Variants in RBFOX1 observed in about 807,000 individuals in gnomAD.
The protein encoded by RBFOX1 is RNA binding fox-1 homolog 1, also known as RNA binding protein fox-1 homolog 1.
Under a neutral mutation model 57.7 loss-of-function variants are expected in RBFOX1, and 8 were observed. The ratio of observed to expected loss-of-function variants is 0.14; its 90% confidence interval spans 0.08 to 0.25. RBFOX1 has a LOEUF of 0.25. RBFOX1 is among the 10% of genes least tolerant of loss of function. The pLI is 1.00. For synonymous variants in RBFOX1, 326 were observed against 222.4 expected (o/e 1.47, Z -4.15); for missense variants, 611 against 548.5 (o/e 1.11, Z -1.14).
At chr16:6,584,911 T>C (rs547900993) in intron 2 of RBFOX1, among the ~76,000 whole-genome samples, 11 of 152,266 alleles carry the variant, frequency 7.2e-5, no homozygotes, top group Admixed American at 2.0e-4. Flanking sequence ...GGGGCAGAGA[T>C]TGGGGACCTG....
rs1193568268 is a variant in RBFOX1, at chr16:7,504,533, G to A, written c.28-13614G>A. ...CTCACAAATATCACCTCTTATCTCA[G>A]CCCACAAAAAAAGGTCAATTATAGA... is the stretch of plus-strand genomic sequence containing the variant. On this transcript the variant is annotated intron_variant, in intron 4 of 15. Transcript: ENST00000550418. Among the ~76,000 whole-genome samples, 4 of 148,976 alleles carry A rather than the reference G, an allele frequency of 2.7e-5. No individual in the cohort carries two copies. The East Asian group carries it at 6.1e-4, about 23-fold the overall frequency.
At chr16:5,986,543 C>T (rs1251949244) in intron 4 of RBFOX1, among the ~76,000 whole-genome samples, 1 of 152,202 alleles carries the variant, frequency 6.6e-6, no homozygotes, top group Non-Finnish European at 1.5e-5. Context: ...ACCTCCCTCT[C>T]ACCCCTGCCT....
chr16:6,030,154 C>T (rs915690920), intron 1 of RBFOX1, among the ~76,000 whole-genome samples: 1 of 152,154 alleles, frequency 6.6e-6, no homozygotes, highest in African/African-American at 2.4e-5. Flanking sequence ...TCTTGAACTC[C>T]TGGGGTCAAG....
intron 4 of RBFOX1, among the ~76,000 whole-genome samples, chr16:5,954,907 T>C (rs1395855720): frequency 2.0e-5 from 3 of 151,744 alleles, no homozygotes; most frequent in Non-Finnish European, 4.4e-5. Context: ...TCTCACTGTT[T>C]CTAAGTGAAC....
intron 4 of RBFOX1, among the ~76,000 whole-genome samples, chr16:5,959,433 G>T (rs1444694952): frequency 1.3e-5 from 2 of 152,144 alleles, no homozygotes; most frequent in African/African-American, 4.8e-5. Context: ...TCATTCCATT[G>T]ACCTAGCATC....
At chr16:7,280,135 A>G (rs959056244) in intron 4 of RBFOX1, among the ~76,000 whole-genome samples, 11 of 152,240 alleles carry the variant, frequency 7.2e-5, no homozygotes, top group African/African-American at 2.4e-4. Context: ...TTCGTTGACC[A>G]CAGAGTCTTG....
chr16:5,558,547 T>G (rs1434418638), intron 2 of RBFOX1, among the ~76,000 whole-genome samples: 1 of 152,124 alleles, frequency 6.6e-6, no homozygotes, highest in African/African-American at 2.4e-5. Context: ...CTGAGATCCT[T>G]ACAAAGGCCT....
intron 4 of RBFOX1, among the ~76,000 whole-genome samples, chr16:7,370,480 C>T (rs958986872): frequency 2.6e-5 from 4 of 152,144 alleles, no homozygotes; most frequent in African/African-American, 9.7e-5. Context: ...TTTTTATCAA[C>T]GCGGGTAAGT....
chr16:7,456,581 T>G (rs954236406), intron 4 of RBFOX1, among the ~76,000 whole-genome samples: 1 of 152,186 alleles, frequency 6.6e-6, no homozygotes, highest in Non-Finnish European at 1.5e-5. Flanking sequence ...TCATTTCAAA[T>G]TGATTTTAAG....
intron 3 of RBFOX1, among the ~76,000 whole-genome samples, chr16:5,748,044 A>C (rs1286662265): frequency 6.6e-6 from 1 of 152,130 alleles, no homozygotes; most frequent in African/African-American, 2.4e-5. Flanking sequence ...ACACTGCTTT[A>C]AATGTGTCCC....
At chr16:5,317,452 A>T (rs1399295204) in intron 1 of RBFOX1, among the ~76,000 whole-genome samples, 2 of 152,186 alleles carry the variant, frequency 1.3e-5, no homozygotes, top group Non-Finnish European at 2.9e-5. Context: ...TACTAAAAAT[A>T]CAAAAAATTA....
intron 4 of RBFOX1, among the ~76,000 whole-genome samples, chr16:7,348,666 T>C (rs2145798979): frequency 6.6e-6 from 1 of 152,284 alleles, no homozygotes; most frequent in East Asian, 1.9e-4. Context: ...AAAAGGCCGG[T>C]TGCCGTGGCT....
chr16:6,745,007 A>G lies in RBFOX1; in HGVS notation c.-16+90357A>G, dbSNP rs532294824. 3.3e-5 allele frequency among the ~76,000 whole-genome samples: 5 copies of G among 152,162 alleles called. No homozygotes were observed. In the South Asian group the frequency reaches 1.0e-3, roughly 32 times the overall value. ...CAGTATAGAAAGAGGAGGCATCACT[A>G]CAGACTCTATAGGTATTAAAAGAAA... On this transcript the variant is annotated intron_variant, in intron 3 of 15. Coordinates refer to ENST00000550418, the MANE Select transcript of RBFOX1 (RefSeq NM_018723.4).
intron 2 of RBFOX1, among the ~76,000 whole-genome samples, chr16:6,585,058 C>T (rs987069922): frequency 2.0e-5 from 3 of 152,148 alleles, no homozygotes; most frequent in Admixed American, 2.0e-4. Context: ...ATCACTTCTT[C>T]TCTGAGACAC....
In RBFOX1 at chr16:5,764,132, A is replaced by G. The variant is rs565463271; in HGVS notation, c.319-103171A>G. On this transcript the variant is annotated intron_variant, in intron 3 of 19. Transcript: ENST00000641259. ...GTGAAAGTCTTTTGCAACCAGGAAGATGCTGTGGGGCAGTAGGGTGTGGGT... is the reference window on the plus strand; with the variant it reads ...GTGAAAGTCTTTTGCAACCAGGAAGGTGCTGTGGGGCAGTAGGGTGTGGGT... Among the ~76,000 whole-genome samples, 10 of 144,888 alleles carry G rather than the reference A, an allele frequency of 6.9e-5. No homozygotes were observed. The South Asian group carries it at 1.2e-3, about 17-fold the overall frequency.
intron 1 of RBFOX1, among the ~76,000 whole-genome samples, chr16:5,274,202 A>C (rs2063085938): frequency 3.3e-5 from 5 of 152,134 alleles, no homozygotes; most frequent in Admixed American, 3.3e-4. Context: ...CCACAGAAGA[A>C]GAAGGTTCCA....
chr16:7,286,557 T>G (rs2095655442), intron 4 of RBFOX1, among the ~76,000 whole-genome samples: 1 of 150,696 alleles, frequency 6.6e-6, no homozygotes, highest in Non-Finnish European at 1.5e-5. Context: ...CAAGCAACTT[T>G]CCCTGCCTCA....
chr16:6,855,926 C>T (rs1046102911), intron 3 of RBFOX1, among the ~76,000 whole-genome samples: 1 of 150,502 alleles, frequency 6.6e-6, no homozygotes, highest in African/African-American at 2.4e-5. Context: ...TTTCTTTACT[C>T]ATGCACATAT....
intron 4 of RBFOX1, among the ~76,000 whole-genome samples, chr16:7,232,042 T>A (rs1002729777): frequency 4.6e-5 from 7 of 152,188 alleles, no homozygotes; most frequent in African/African-American, 1.7e-4. Context: ...CCTTTTTTTT[T>A]TGAGACAGAG....
Sources: allele counts gnomAD v4.1 joint callset (sites outside exome capture counted in the v4.1 genomes callset), GRCh38; gene constraint gnomAD v4.1.1; transcripts MANE v1.5; gene names NCBI Gene and HGNC (gene_info 2026-07-23, HGNC 2026-07-21).